GLO1: variants seen among roughly 807,000 people sequenced by gnomAD.
GLO1 encodes the protein lactoylglutathione lyase.
A neutral mutation model predicts 26.0 loss-of-function variants in GLO1; 28 were observed. The observed-to-expected ratio is 1.08, with a 90% CI of 0.80 to 1.48. The LOEUF (loss-of-function observed/expected upper bound fraction) is 1.48, where lower values mean the gene tolerates loss of function less well. GLO1 is among the 40% of genes most tolerant of loss of function. The pLI is 0.00. For synonymous variants in GLO1, 78 were observed against 77.6 expected, an observed-to-expected ratio of 1.00 and a Z score of -0.03; for missense variants, 225 against 224.8, an observed-to-expected ratio of 1.00 and a Z score of -0.01.
chr6:38,700,097 C>T (rs147998906), intron 1 of GLO1, among the ~76,000 whole-genome samples: 209 of 152,332 alleles, frequency 1.4e-3, no homozygotes, highest in African/African-American at 4.8e-3. Context: ...TATGTGATGT[C>T]ACCCCCCGGC....
At chr6:38,683,750 A>C (rs557138885) in intron 3 of GLO1, among the ~76,000 whole-genome samples, 1 of 151,844 alleles carries the variant, frequency 6.6e-6, no homozygotes, top group Non-Finnish European at 1.5e-5. Flanking sequence ...AGCTGGGCGT[A>C]GTGGCGGGCG....
Position 38,677,236 on chromosome 6 carries a change from A to G in GLO1, c.*59T>C. On this transcript the variant is annotated 3_prime_UTR_variant, in exon 6 of 6. Transcript: ENST00000373365. Reference sequence around the variant, plus strand: ...AGTCCTAGATGCTTCTGGTATGTAAATATCTTGAATCACATTGTTTCCTTT... The same window carrying G: ...AGTCCTAGATGCTTCTGGTATGTAAGTATCTTGAATCACATTGTTTCCTTT... 3.6e-6 allele frequency: 3 copies of G among 836,784 alleles called. No individual in the cohort carries two copies. The highest frequency in any genetic ancestry group is 2.7e-5 in the South Asian group (2 of 74,712). The allele number at this position is 836,784 out of a possible 1,614,324, so 51.8% of individuals were successfully genotyped here.
At chr6:38,689,185 T>C (rs1761498925) in intron 1 of GLO1, among the ~76,000 whole-genome samples, 1 of 152,242 alleles carries the variant, frequency 6.6e-6, no homozygotes, top group Non-Finnish European at 1.5e-5. Flanking sequence ...TGGATTTAGA[T>C]GCAGATTCTT....
At chr6:38,683,936 G>C (rs536931394) in intron 3 of GLO1, among the ~76,000 whole-genome samples, 3 of 152,178 alleles carry the variant, frequency 2.0e-5, no homozygotes, top group African/African-American at 7.2e-5. Flanking sequence ...TGGGCCAGGC[G>C]TGGTGGCTCA....
intron 3 of GLO1, chr6:38,683,175 G>A (rs895121099): frequency 3.9e-6 from 1 of 259,112 alleles, no homozygotes; most frequent in Admixed American, 5.1e-5. Context: ...ACAGCTCCAT[G>A]GGCTAGGTGT....
intron 5 of GLO1, among the ~76,000 whole-genome samples, chr6:38,677,903 C>T (rs1464813321): frequency 6.6e-6 from 1 of 152,126 alleles, no homozygotes. Flanking sequence ...GTGGGACTGG[C>T]TGCATCTTTT....
chr6:38,702,639 G>A (rs1761721820), intron 1 of GLO1, among the ~76,000 whole-genome samples: 1 of 152,138 alleles, frequency 6.6e-6, no homozygotes, highest in South Asian at 2.1e-4. Context: ...CCTATTTCTG[G>A]GAGTTCTGAA....
Position 38,702,986 on chromosome 6 carries a change from C to G in GLO1, c.69G>C (p.Ala23=). The G allele has an allele frequency of 6.3e-7, 1 of 1,576,694 alleles. No individual in the cohort carries two copies. Among genetic ancestry groups the G allele is most frequent in the Non-Finnish European group, 8.7e-7 (1 of 1,149,790 alleles). The stretch of plus-strand genomic sequence containing the variant: ...CTGTGCCCACCTTGGTACTGGGGTC[C>G]GCGTCGGAGCAGCAACTGAGGGCGG... ...DEAALSCCSD[A]DPSTKDFLLQ... Residue 23 remains alanine, a synonymous_variant, in exon 1 of 6, where the codon GCG becomes GCC. Coordinates refer to ENST00000373365, the MANE Select transcript of GLO1 (RefSeq NM_006708.3).
intron 1 of GLO1, among the ~76,000 whole-genome samples, chr6:38,689,012 C>A (rs1761496535): frequency 1.3e-5 from 2 of 152,156 alleles, no homozygotes; most frequent in South Asian, 4.1e-4. Flanking sequence ...AAGGGGCCAA[C>A]CTGCAGGTGC....
rs148188037 is a variant in GLO1, at chr6:38,681,197, G to A, written c.466+815C>T. Among the ~76,000 whole-genome samples the A allele has an allele frequency of 1.5e-3, 221 of 152,036 alleles. 1 individual carries two copies. Among genetic ancestry groups the A allele is most frequent in the African/African-American group, 4.8e-3 (201 of 41,446 alleles). ...TCCTGCCTCAGCCTCCTGAGTAGGC[G>A]GACTATAGGCGCCCACCACCATGCC... On this transcript the variant is annotated intron_variant, in intron 5 of 5. Transcript: ENST00000373365.
chr6:38,688,938 G>A (rs571964765), intron 1 of GLO1, among the ~76,000 whole-genome samples: 25 of 152,288 alleles, frequency 1.6e-4, no homozygotes, highest in African/African-American at 3.1e-4. Flanking sequence ...GCGAGCGTGC[G>A]CGCGCAAAGA....
rs148429260 is a variant in GLO1 at position 38,682,749 on chromosome 6, TA to T, written c.376+58del. On this transcript the variant is annotated intron_variant, in intron 4 of 5. Coordinates refer to ENST00000373365, the MANE Select transcript of GLO1 (RefSeq NM_006708.3). ...TTTAGGTTTATTAAAATCATAATTA[TA>T]TACATAATACAAAATCACACAAATC... 439 of 864,432 alleles carry T rather than the reference TA, an allele frequency of 5.1e-4. 1 individual carries two copies. In the African/African-American group the frequency reaches 6.3e-3, roughly 12 times the overall value. 53.5% of individuals were successfully genotyped at this position (864,432 alleles called of 1,614,324 possible).
chr6:38,702,218 C>T (rs763693294), intron 1 of GLO1, among the ~76,000 whole-genome samples: 17 of 152,168 alleles, frequency 1.1e-4, no homozygotes, highest in Non-Finnish European at 2.2e-4. Context: ...TGAGCCACCG[C>T]GCCCGCCAAC....
intron 1 of GLO1, among the ~76,000 whole-genome samples, chr6:38,701,277 GATTAA>G (rs1376311862): frequency 6.6e-6 from 1 of 152,060 alleles, no homozygotes; most frequent in Non-Finnish European, 1.5e-5. Context: ...TTGTTGTTAG[GATTAA>G]ATTAAACAAT....
At chr6:38,696,058 C>G (rs912870488) in intron 1 of GLO1, among the ~76,000 whole-genome samples, 2 of 152,128 alleles carry the variant, frequency 1.3e-5, no homozygotes, top group African/African-American at 2.4e-5. Flanking sequence ...TTTAGTTGTA[C>G]TTAGCAGGAG....
At position 38,677,095 on chromosome 6, in the gene GLO1, T is replaced by C. The variant is rs1471256409; in HGVS notation, c.*200A>G. ...AGTTACACAACTATATTCAAGGACA[T>C]GAGATAAAGCACTGCTTGAAAACCA... On this transcript the variant is annotated 3_prime_UTR_variant, in exon 6 of 6. Coordinates refer to ENST00000373365, the MANE Select transcript of GLO1 (RefSeq NM_006708.3). The C allele has an allele frequency of 5.2e-6, 3 of 572,116 alleles. No homozygotes were observed. Among genetic ancestry groups the C allele is most frequent in the Non-Finnish European group, 9.2e-6 (3 of 327,254 alleles). 35.4% of individuals were successfully genotyped at this position (572,116 alleles called of 1,614,324 possible). A position where few individuals can be genotyped will look rare whatever the true frequency, so the allele number is the denominator to read the frequency against.
intron 5 of GLO1, among the ~76,000 whole-genome samples, chr6:38,680,920 G>A (rs1446151085): frequency 2.0e-5 from 3 of 152,038 alleles, no homozygotes; most frequent in African/African-American, 7.3e-5. Context: ...AGAGATATAT[G>A]AAGAAAAAGT....
At chr6:38,693,108 T>G (rs1761554875) in intron 1 of GLO1, among the ~76,000 whole-genome samples, 1 of 152,132 alleles carries the variant, frequency 6.6e-6, no homozygotes, top group Non-Finnish European at 1.5e-5. Context: ...TTGATGTTAA[T>G]TCTTCTTTTA....
At chr6:38,689,706 G>T (rs866772868) in intron 1 of GLO1, among the ~76,000 whole-genome samples, 5 of 152,128 alleles carry the variant, frequency 3.3e-5, no homozygotes, top group Admixed American at 1.3e-4. Context: ...CAGCACTTTG[G>T]GGGGCTGAGA....
Sources: gnomAD v4.1 joint callset for allele counts (sites outside exome capture counted in the v4.1 genomes callset) on GRCh38, gnomAD v4.1.1 for gene constraint, MANE v1.5 for transcripts, NCBI Gene and HGNC (gene_info 2026-07-23, HGNC 2026-07-21) for gene names.